The following MTFR1 variants were observed in gnomAD, a reference collection of about 807,000 sequenced individuals.
MTFR1 encodes the protein mitochondrial fission regulator 1, also known as chondrocyte protein with a poly-proline region.
Under a neutral mutation model 38.8 loss-of-function variants are expected in MTFR1, and 28 were observed. The observed-to-expected ratio is 0.72, with a 90% CI of 0.53 to 0.99. MTFR1 has a LOEUF of 0.99. Among genes scored for constraint, MTFR1 ranks in the 50% least tolerant of loss-of-function variants. MTFR1 has a pLI of 0.00. For missense variants in MTFR1, 358 were observed against 395.5 expected (o/e 0.91, Z 0.81); for synonymous variants, 145 against 137.0 (o/e 1.06, Z -0.41).
At chr8:65,716,818 A>G (rs771966121) in intron 2 of MTFR1, among the ~76,000 whole-genome samples, 9 of 152,218 alleles carry the variant, frequency 5.9e-5, no homozygotes, top group African/African-American at 9.6e-5. Context: ...CTTTCTGTAC[A>G]CATTAAATAT....
intron 3 of MTFR1, among the ~76,000 whole-genome samples, chr8:65,683,263 C>T (rs1232345012): frequency 6.6e-6 from 1 of 151,332 alleles, no homozygotes; most frequent in Non-Finnish European, 1.5e-5. Flanking sequence ...TTCCAAGTAG[C>T]TGGGACTACA....
At chr8:65,761,471 C>G (rs80229839) in intron 3 of MTFR1, among the ~76,000 whole-genome samples, 8,052 of 152,314 alleles carry the variant, frequency 0.053, 305 homozygotes, top group Middle Eastern at 0.092. Flanking sequence ...CCACTTCCAT[C>G]AAGCCTGGAC....
At chr8:65,751,343 C>T (rs1807944333) in intron 3 of MTFR1, among the ~76,000 whole-genome samples, 1 of 152,036 alleles carries the variant, frequency 6.6e-6, no homozygotes, top group Non-Finnish European at 1.5e-5. Context: ...GTTTCAAAAA[C>T]AAGAAGGGAG....
At chr8:65,718,234 T>C (rs1450399140) in intron 2 of MTFR1, 1 of 152,212 alleles carries the variant, frequency 6.6e-6, no homozygotes, top group African/African-American at 2.4e-5. Flanking sequence ...TTTCAAATCT[T>C]TGCCCACATG....
chr8:65,724,713 AT>A (rs1271102528), intron 3 of MTFR1: 1 of 1,389,068 alleles, frequency 7.2e-7, no homozygotes. Context: ...TAGAATATTC[AT>A]TTTTTAGTTT....
At chr8:65,763,182 C>T (rs558899492) in intron 3 of MTFR1, among the ~76,000 whole-genome samples, 1 of 152,172 alleles carries the variant, frequency 6.6e-6, no homozygotes, top group South Asian at 2.1e-4. Flanking sequence ...ATTTGTTATA[C>T]ATATAACATT....
At chr8:65,653,848 T>G (rs1809186069) in intron 1 of MTFR1, among the ~76,000 whole-genome samples, 1 of 151,996 alleles carries the variant, frequency 6.6e-6, no homozygotes, top group Admixed American at 6.6e-5. Flanking sequence ...GAGAATCACT[T>G]GAAGCCAGGA....
intron 2 of MTFR1, among the ~76,000 whole-genome samples, chr8:65,678,275 C>A (rs1804774743): frequency 6.6e-6 from 1 of 152,112 alleles, no homozygotes; most frequent in Non-Finnish European, 1.5e-5. Context: ...TACAATTTCT[C>A]CCCCTCTATG....
chr8:65,675,462 G>A (rs1487829991), intron 2 of MTFR1, among the ~76,000 whole-genome samples: 1 of 151,908 alleles, frequency 6.6e-6, no homozygotes, highest in Admixed American at 6.6e-5. Context: ...AGCTGGGCGA[G>A]GTGGTGGGCA....
At chr8:65,645,666 C>A in intron 1 of MTFR1, among the ~76,000 whole-genome samples, 1 of 141,700 alleles carries the variant, frequency 7.1e-6, no homozygotes, top group East Asian at 2.3e-4. Context: ...GCTGGGACTA[C>A]AGGCAGGCGC....
At position 65,709,079 on chromosome 8, in the gene MTFR1, C is replaced by CTT; in HGVS notation, c.*36_*37insTT. On this transcript the variant is annotated 3_prime_UTR_variant, in exon 8 of 8. Coordinates refer to ENST00000262146, the MANE Select transcript of MTFR1 (RefSeq NM_014637.4). ...AGCTGCGAAAAGACTCCTGGTTCCC[C>CTT]TGTTGATTTGTGAGGGCCAAGTTTG... 6.2e-7 allele frequency: 1 copy of CTT among 1,605,274 alleles called. No individual in the cohort carries two copies. Among genetic ancestry groups the CTT allele is most frequent in the Non-Finnish European group, 8.5e-7 (1 of 1,172,246 alleles).
intron 3 of MTFR1, among the ~76,000 whole-genome samples, chr8:65,687,816 T>C (rs1332904121): frequency 1.3e-5 from 2 of 151,966 alleles, no homozygotes; most frequent in Non-Finnish European, 2.9e-5. Context: ...ATACAGCAAT[T>C]CGGCTAGGCG....
intron 3 of MTFR1, among the ~76,000 whole-genome samples, chr8:65,749,735 C>A (rs926645592): frequency 6.6e-6 from 1 of 152,196 alleles, no homozygotes; most frequent in Non-Finnish European, 1.5e-5. Context: ...CCTAAGGTCA[C>A]ATACCCAATA....
At chr8:65,743,250 CAAG>C (rs1280748121) in intron 3 of MTFR1, among the ~76,000 whole-genome samples, 1 of 152,060 alleles carries the variant, frequency 6.6e-6, no homozygotes, top group Non-Finnish European at 1.5e-5. Context: ...TTTCCCTGAG[CAAG>C]AAGAAGGTGG....
chr8:65,667,880 T>C (rs1436793961), intron 1 of MTFR1, among the ~76,000 whole-genome samples: 2 of 152,232 alleles, frequency 1.3e-5, no homozygotes, highest in East Asian at 1.9e-4. Context: ...TCACACCCTG[T>C]TATACTTCAT....
intron 1 of MTFR1, among the ~76,000 whole-genome samples, chr8:65,668,451 A>G (rs1216430495): frequency 1.4e-5 from 2 of 147,334 alleles, no homozygotes; most frequent in Admixed American, 6.8e-5. Flanking sequence ...GCCCCCCAAA[A>G]TGCTGGGATT....
intron 3 of MTFR1, among the ~76,000 whole-genome samples, chr8:65,759,765 T>C (rs1281075009): frequency 6.6e-6 from 1 of 152,208 alleles, no homozygotes; most frequent in East Asian, 1.9e-4. Flanking sequence ...ACCCTCTCTT[T>C]TGCTCAGCCT....
chr8:65,655,970 C>CATATATATATGTATAT (rs1809253528), intron 1 of MTFR1, among the ~76,000 whole-genome samples: 1 of 53,636 alleles, frequency 1.9e-5, no homozygotes, highest in African/African-American at 1.0e-4. Context: ...ATATATATAC[C>CATATATATATGTATAT]ATATATATAT....
rs1036380516 is a variant in MTFR1 at position 65,736,408 on chromosome 8, G to A, written c.*48+16927G>A. ...AGAAAGCAAAACCAGAGATAAAGGC[G>A]GACTACTGTACAGTATTTCAGGCAT... On this transcript the variant is annotated intron_variant, in intron 3 of 3. Coordinates refer to the MTFR1 transcript ENST00000521247. Among the ~76,000 whole-genome samples the A allele has an allele frequency of 4.6e-5, 7 of 152,094 alleles. No individual in the cohort carries two copies. In the East Asian group the frequency reaches 5.8e-4, roughly 13 times the overall value.
Sources: gnomAD v4.1 joint callset for allele counts (sites outside exome capture counted in the v4.1 genomes callset) on GRCh38, gnomAD v4.1.1 for gene constraint, MANE v1.5 for transcripts, NCBI Gene and HGNC (gene_info 2026-07-23, HGNC 2026-07-21) for gene names.